FOXP1: variants seen among roughly 807,000 people sequenced by gnomAD.
FOXP1 encodes forkhead box P1.
FOXP1 carries 15 observed loss-of-function variants against 98.2 expected under a neutral mutation model. The ratio of observed to expected loss-of-function variants is 0.15; its 90% CI spans 0.10 to 0.24. The LOEUF (loss-of-function observed/expected upper bound fraction) is 0.24, where lower values mean the gene tolerates loss of function less well. Among genes scored for constraint, FOXP1 ranks in the 10% least tolerant of loss-of-function variants. FOXP1 has a pLI of 1.00. For synonymous variants in FOXP1, 371 were observed against 314.5 expected, an observed-to-expected ratio of 1.18 and a Z score of -1.90; for missense variants, 633 against 848.5, an observed-to-expected ratio of 0.75 and a Z score of 3.15.
At position 71,512,755 on chromosome 3, in the gene FOXP1, G is replaced by A. The variant is rs192608390; in HGVS notation, c.-297-19200C>T. Among the ~76,000 whole-genome samples the A allele has an allele frequency of 2.0e-5, 3 of 152,294 alleles. No homozygotes were observed. In the East Asian group the frequency reaches 5.8e-4, roughly 29 times the overall value. On this transcript the variant is annotated intron_variant, in intron 2 of 20. Coordinates refer to ENST00000649528, the MANE Select transcript of FOXP1 (RefSeq NM_001349338.3). The stretch of plus-strand genomic sequence containing the variant: ...CAACTTGGATTCTCAGTTCCATTCT[G>A]TCCCACATCCTGGTGCCGTCATCTC...
chr3:71,333,924 A>G (rs2076508925), intron 4 of FOXP1: 1 of 152,198 alleles, frequency 6.6e-6, no homozygotes, highest in African/African-American at 2.4e-5. Context: ...GAAAAAAAGA[A>G]AAATCATTCT....
intron 11 of FOXP1, among the ~76,000 whole-genome samples, chr3:71,028,275 A>G (rs2046400712): frequency 6.6e-6 from 1 of 152,198 alleles, no homozygotes; most frequent in African/African-American, 2.4e-5. Flanking sequence ...CAGATCACTT[A>G]TCCGTCACTT....
At chr3:71,273,858 A>G (rs2070636566) in intron 5 of FOXP1, among the ~76,000 whole-genome samples, 1 of 152,246 alleles carries the variant, frequency 6.6e-6, no homozygotes, top group Admixed American at 6.5e-5. Flanking sequence ...TGGCTACAAA[A>G]TGAGAAGAGG....
chr3:71,421,416 G>A (rs2083638543), intron 3 of FOXP1, among the ~76,000 whole-genome samples: 1 of 152,116 alleles, frequency 6.6e-6, no homozygotes, highest in African/African-American at 2.4e-5. Context: ...TATTTTTTCT[G>A]TGCTAGAACA....
intron 3 of FOXP1, among the ~76,000 whole-genome samples, chr3:71,383,119 T>G (rs1194173339): frequency 6.6e-6 from 1 of 152,204 alleles, no homozygotes; most frequent in African/African-American, 2.4e-5. Flanking sequence ...CTCATCTAAT[T>G]ATGAGATACC....
intron 3 of FOXP1, among the ~76,000 whole-genome samples, chr3:71,380,219 T>C (rs563917290): frequency 6.6e-6 from 1 of 152,322 alleles, no homozygotes; most frequent in Admixed American, 6.5e-5. Context: ...GTCAGAAATG[T>C]GGACCCCTAG....
chr3:71,427,130 C>T (rs572081043), intron 3 of FOXP1, among the ~76,000 whole-genome samples: 184 of 150,112 alleles, frequency 1.2e-3, no homozygotes, highest in Admixed American at 3.6e-3. Context: ...TTTTATGTCT[C>T]TCTTGGTTTA....
intron 7 of FOXP1, among the ~76,000 whole-genome samples, chr3:71,094,941 C>T (rs1386056220): frequency 6.6e-6 from 1 of 152,214 alleles, no homozygotes; most frequent in Non-Finnish European, 1.5e-5. Flanking sequence ...TCCTGATCTA[C>T]ATAAGAGTTT....
chr3:71,555,894 A>G (rs1232954661), intron 2 of FOXP1, among the ~76,000 whole-genome samples: 1 of 152,130 alleles, frequency 6.6e-6, no homozygotes, highest in African/African-American at 2.4e-5. Context: ...GTTAAATACT[A>G]AAAAAGGAAA....
chr3:71,348,413 T>C (rs989454312), intron 4 of FOXP1, among the ~76,000 whole-genome samples: 1 of 151,960 alleles, frequency 6.6e-6, no homozygotes, highest in Admixed American at 6.6e-5. Flanking sequence ...CTTAGAAGCT[T>C]GGAGTGGGAG....
At chr3:71,211,152 T>C (rs143579233) in intron 5 of FOXP1, among the ~76,000 whole-genome samples, 165 of 152,304 alleles carry the variant, frequency 1.1e-3, no homozygotes, top group African/African-American at 3.7e-3. Flanking sequence ...TGTGTCTTCT[T>C]TCCTCTTCCC....
At chr3:71,499,283 G>A (rs1409248449) in intron 2 of FOXP1, among the ~76,000 whole-genome samples, 3 of 152,112 alleles carry the variant, frequency 2.0e-5, no homozygotes, top group Non-Finnish European at 4.4e-5. Flanking sequence ...GTCCACTTAA[G>A]GCCTAGGAGA....
intron 6 of FOXP1, among the ~76,000 whole-genome samples, chr3:71,113,919 T>C (rs2058153671): frequency 6.6e-6 from 1 of 152,052 alleles, no homozygotes. Context: ...GATATCATGC[T>C]AGAAAGTCAT....
At chr3:71,052,737 T>C (rs1279574192) in intron 8 of FOXP1, 111 bp from the exon 9 acceptor site, 4 of 741,442 alleles carry the variant, frequency 5.4e-6, no homozygotes, top group South Asian at 2.9e-5. Context: ...TTATCTGTAA[T>C]GGCCTGACCT....
chr3:70,977,374 CAG>C (rs2037790090), intron 16 of FOXP1, among the ~76,000 whole-genome samples: 2 of 152,150 alleles, frequency 1.3e-5, no homozygotes, highest in Admixed American at 1.3e-4. Context: ...TTCTAGGGAT[CAG>C]AGATTACTGT....
intron 5 of FOXP1, among the ~76,000 whole-genome samples, chr3:71,291,712 A>ATTTTTTTT (rs11438381): frequency 3.2e-5 from 4 of 125,198 alleles, no homozygotes; most frequent in Non-Finnish European, 3.3e-5. Flanking sequence ...CTTATTCTGT[A>ATTTTTTTT]TTTTTTTTTT....
chr3:71,444,157 C>A (rs1423756806), intron 3 of FOXP1, among the ~76,000 whole-genome samples: 2 of 152,230 alleles, frequency 1.3e-5, no homozygotes, highest in African/African-American at 4.8e-5. Flanking sequence ...GCGCCAACCA[C>A]AGCTTACCAC....
intron 5 of FOXP1, among the ~76,000 whole-genome samples, chr3:71,200,239 T>C (rs908494882): frequency 6.1e-4 from 93 of 152,328 alleles, no homozygotes; most frequent in African/African-American, 2.2e-3. Flanking sequence ...AAAAGACAGA[T>C]AGCATTTGCT....
chr3:71,161,421 C>T (rs114151386), intron 6 of FOXP1, among the ~76,000 whole-genome samples: 1,714 of 152,230 alleles, frequency 0.011, 21 homozygotes, highest in African/African-American at 0.04. Flanking sequence ...ATCATTCAGC[C>T]ATTTGGCCCA....
Sources: allele counts gnomAD v4.1 joint callset (sites outside exome capture counted in the v4.1 genomes callset), GRCh38; gene constraint gnomAD v4.1.1; transcripts MANE v1.5; gene names NCBI Gene and HGNC (gene_info 2026-07-23, HGNC 2026-07-21).